Variants in TNIK observed in about 807,000 individuals in gnomAD.
TNIK encodes TRAF2 and NCK interacting kinase.
Under a neutral mutation model 191.3 loss-of-function variants are expected in TNIK, and 49 were observed. That is an observed-to-expected ratio of 0.26 (90% CI 0.20 to 0.32). The LOEUF is 0.32. TNIK is among the 10% of genes least tolerant of loss of function. TNIK has a pLI of 1.00. For synonymous variants in TNIK, 594 were observed against 600.9 expected (o/e 0.99, Z 0.17); for missense variants, 1,155 against 1,702.3 (o/e 0.68, Z 5.66).
rs548609341 is a variant in TNIK at position 171,159,311 on chromosome 3, C to T, written c.1017-1647G>A. ...AGGTTCTGTCTTGGTGGCTGGGTGA[C>T]GGTGGTAACGAGAACAGGAATGAGG... On this transcript the variant is annotated intron_variant, in intron 11 of 32. Coordinates refer to ENST00000436636, the MANE Select transcript of TNIK (RefSeq NM_015028.4). This position sits in a 1 kb window ranked among gnomAD's most constrained non-coding sequence, Gnocchi z 4.1. Among the ~76,000 whole-genome samples the T allele has an allele frequency of 3.0e-4, 45 of 151,690 alleles. No individual in the cohort carries two copies. Among genetic ancestry groups the T allele is most frequent in the African/African-American group, 5.6e-4 (23 of 41,308 alleles).
chr3:171,157,432 G>A, intron 12 of TNIK, 28 bp downstream of exon 12: 3 of 1,550,498 alleles, frequency 1.9e-6, no homozygotes, highest in Non-Finnish European at 2.6e-6. Flanking sequence ...GAGGCTTGGG[G>A]TCAGAGGTGG....
intron 1 of TNIK, among the ~76,000 whole-genome samples, chr3:171,397,747 A>G (rs1336124324): frequency 6.6e-6 from 1 of 152,216 alleles, no homozygotes; most frequent in East Asian, 1.9e-4. Flanking sequence ...ATTTCCTAAA[A>G]CCCAAACACA....
chr3:171,209,521 A>G (rs1740522619), intron 4 of TNIK, among the ~76,000 whole-genome samples: 1 of 152,154 alleles, frequency 6.6e-6, no homozygotes, highest in South Asian at 2.1e-4. Context: ...ATTATATTTT[A>G]TGGTGTATCC....
At chr3:171,219,318 GTATA>G (rs888648128) in intron 3 of TNIK, among the ~76,000 whole-genome samples, 2 of 143,354 alleles carry the variant, frequency 1.4e-5, no homozygotes, top group Non-Finnish European at 3.0e-5. Context: ...ATAATGATGT[GTATA>G]TATATAATGA....
At chr3:171,332,098 C>T (rs200745352) in intron 2 of TNIK, among the ~76,000 whole-genome samples, 38 of 152,156 alleles carry the variant, frequency 2.5e-4, no homozygotes, top group South Asian at 1.2e-3. Context: ...ATAGAGAAGA[C>T]GGAAAATCAC....
intron 18 of TNIK, among the ~76,000 whole-genome samples, chr3:171,117,984 A>G (rs1436529876): frequency 6.6e-6 from 1 of 152,052 alleles, no homozygotes; most frequent in Non-Finnish European, 1.5e-5. Context: ...AAAAATTAGG[A>G]TAAGAGGAAG....
chr3:171,426,976 G>C (rs936814791), intron 1 of TNIK, among the ~76,000 whole-genome samples: 1 of 152,214 alleles, frequency 6.6e-6, no homozygotes, highest in Non-Finnish European at 1.5e-5. Context: ...ATAAGTGGAA[G>C]TGCCCAGGGT....
Position 171,175,346 on chromosome 3 carries a change from A to T in TNIK, c.695-16T>A. 6.2e-7 allele frequency: 1 copy of T among 1,600,168 alleles called. No homozygotes were observed. The highest frequency in any genetic ancestry group is 8.5e-7 in the Non-Finnish European group (1 of 1,174,042). ...TCACAGAGAGCTGCAAGAGACCAAA[A>T]CAAGGGCCAGCTACAGTTAGGAGGC... On this transcript the variant is annotated splice_polypyrimidine_tract_variant and intron_variant, in intron 8 of 32. Coordinates refer to ENST00000436636, the MANE Select transcript of TNIK (RefSeq NM_015028.4).
At chr3:171,110,907 A>T (rs1162645687) in intron 18 of TNIK, 30 bp from the exon 19 acceptor site, 4 of 1,569,008 alleles carry the variant, frequency 2.5e-6, no homozygotes, top group African/African-American at 1.4e-5. Flanking sequence ...CACTGGTTAC[A>T]CTCTCCAGAC....
chr3:171,394,996 C>G (rs1720037992), intron 1 of TNIK, among the ~76,000 whole-genome samples: 1 of 152,036 alleles, frequency 6.6e-6, no homozygotes. Flanking sequence ...AATTTTATAC[C>G]TAGAAAACAA....
chr3:171,155,942 T>G (rs1469012887), intron 12 of TNIK, among the ~76,000 whole-genome samples: 1 of 152,134 alleles, frequency 6.6e-6, no homozygotes, highest in Non-Finnish European at 1.5e-5. Flanking sequence ...GTTATTAACC[T>G]CTCTAAGACT....
At chr3:171,204,224 A>C (rs1042454367) in intron 4 of TNIK, among the ~76,000 whole-genome samples, 2 of 152,154 alleles carry the variant, frequency 1.3e-5, no homozygotes, top group Non-Finnish European at 2.9e-5. Context: ...TCCGGATCAG[A>C]CCCTGAGCAG....
At chr3:171,332,377 A>G (rs1756498013) in intron 2 of TNIK, among the ~76,000 whole-genome samples, 1 of 152,192 alleles carries the variant, frequency 6.6e-6, no homozygotes, top group Admixed American at 6.5e-5. Context: ...ATTTCTCATT[A>G]TTTCCTCAGA....
At chr3:171,380,045 A>ACACACACACG (rs1717833279) in intron 1 of TNIK, among the ~76,000 whole-genome samples, 2 of 151,352 alleles carry the variant, frequency 1.3e-5, no homozygotes, top group Non-Finnish European at 2.9e-5. Flanking sequence ...ACACACACAC[A>ACACACACACG]CACACACACA....
rs181509638 is a variant in TNIK at position 171,160,698 on chromosome 3, A to T, written c.1016+572T>A. ...TGGAATTCAAAATGTAGGCATGACAATAAAACAGCCCTGGATTCTGAGGTC... is the reference window on the plus strand; with the variant it reads ...TGGAATTCAAAATGTAGGCATGACATTAAAACAGCCCTGGATTCTGAGGTC... On this transcript the variant is annotated intron_variant, in intron 11 of 32. Transcript: ENST00000436636. 3.1e-3 allele frequency among the ~76,000 whole-genome samples: 467 copies of T among 152,256 alleles called. 1 individual carries two copies. The highest frequency in any genetic ancestry group is 4.6e-3 in the Non-Finnish European group (310 of 68,022).
At chr3:171,303,814 G>C (rs1553884177) in intron 2 of TNIK, among the ~76,000 whole-genome samples, 1 of 152,168 alleles carries the variant, frequency 6.6e-6, no homozygotes, top group Non-Finnish European at 1.5e-5. Context: ...TTTTCTGGTG[G>C]TGTTAAGAAA....
intron 2 of TNIK, among the ~76,000 whole-genome samples, chr3:171,285,597 G>T (rs1276049413): frequency 6.6e-6 from 1 of 152,212 alleles, no homozygotes; most frequent in African/African-American, 2.4e-5. Flanking sequence ...GTGCCTGTAA[G>T]ATGATAAACA....
At chr3:171,428,959 T>C (rs1290012450) in intron 1 of TNIK, among the ~76,000 whole-genome samples, 1 of 152,210 alleles carries the variant, frequency 6.6e-6, no homozygotes, top group Non-Finnish European at 1.5e-5. Flanking sequence ...TGACTGTTTA[T>C]AGGGTCTCTA....
intron 21 of TNIK, among the ~76,000 whole-genome samples, chr3:171,105,609 A>G (rs2108479446): frequency 6.6e-6 from 1 of 152,210 alleles, no homozygotes; most frequent in Non-Finnish European, 1.5e-5. Context: ...CCCCTCAATT[A>G]TTTGTAATTA....
Sources: gnomAD v4.1 joint callset for allele counts (sites outside exome capture counted in the v4.1 genomes callset) on GRCh38, gnomAD v4.1.1 for gene constraint, Gnocchi (gnomAD v3.1) non-coding constraint, MANE v1.5 for transcripts, NCBI Gene and HGNC (gene_info 2026-07-23, HGNC 2026-07-21) for gene names.